The following DOCK4 variants were observed in gnomAD, a reference collection of about 807,000 sequenced individuals.
DOCK4 encodes dedicator of cytokinesis protein 4.
In DOCK4, 97 loss-of-function variants were observed where a neutral mutation model predicts 268.1. That is an observed-to-expected ratio of 0.36 (90% confidence interval 0.31 to 0.43). The LOEUF is 0.43. DOCK4 is among the 20% of genes least tolerant of loss of function. DOCK4 has a pLI of 1.00. For synonymous variants in DOCK4, 954 were observed against 887.2 expected (o/e 1.08, Z -1.34); for missense variants, 2,145 against 2,455.7 (o/e 0.87, Z 2.67).
rs990183811 is a variant in DOCK4, at chr7:111,741,032, A to G, written c.5040+62T>C. ...TTCATCAGCACAGCAGAATGAACAG[A>G]AACACTCATGATTGAGACAGAAAAG... On this transcript the variant is annotated intron_variant, in intron 47 of 52. Coordinates refer to ENST00000428084, the MANE Select transcript of DOCK4 (RefSeq NM_001363540.2). 4.4e-6 allele frequency: 7 copies of G among 1,596,390 alleles called. 1 individual carries two copies. The South Asian group carries it at 5.7e-5, about 13-fold the overall frequency.
intron 25 of DOCK4, among the ~76,000 whole-genome samples, chr7:111,835,835 A>T (rs1432032803): frequency 6.6e-6 from 1 of 152,174 alleles, no homozygotes; most frequent in African/African-American, 2.4e-5. Flanking sequence ...AGACCCAAGG[A>T]TGCTATAATA....
rs541583737 is a variant in DOCK4 at position 111,900,878 on chromosome 7, C to A, written c.1318-342G>T. Among the ~76,000 whole-genome samples, 43 of 152,306 alleles carry A rather than the reference C, an allele frequency of 2.8e-4. No homozygotes were observed. In the South Asian group the frequency reaches 8.9e-3, roughly 32 times the overall value. ...GTGCCTCAGTAGGTGACTCACTACGCCCCAGGGCCAACCTTCTTATTTAAA... is the reference window on the plus strand; with the variant it reads ...GTGCCTCAGTAGGTGACTCACTACGACCCAGGGCCAACCTTCTTATTTAAA... On this transcript the variant is annotated intron_variant, in intron 14 of 52. Transcript: ENST00000428084.
chr7:111,750,513 T>C (rs1248417778), intron 42 of DOCK4, among the ~76,000 whole-genome samples: 1 of 152,184 alleles, frequency 6.6e-6, no homozygotes, highest in East Asian at 1.9e-4. Context: ...AATTTAAACG[T>C]GCTTCTGAAT....
At chr7:111,933,298 A>ATATATATATTT (rs1554380830) in intron 12 of DOCK4, among the ~76,000 whole-genome samples, 1 of 74,840 alleles carries the variant, frequency 1.3e-5, no homozygotes, top group African/African-American at 6.6e-5. Context: ...ATATATATAT[A>ATATATATATTT]TTTTTTTTTT....
intron 30 of DOCK4, among the ~76,000 whole-genome samples, chr7:111,805,911 A>T (rs1349056849): frequency 1.3e-5 from 2 of 152,174 alleles, no homozygotes; most frequent in Non-Finnish European, 2.9e-5. Context: ...AATATTGAGG[A>T]TCTTGATTTA....
At chr7:111,947,924 C>T (rs571742055) in intron 8 of DOCK4, among the ~76,000 whole-genome samples, 1 of 152,082 alleles carries the variant, frequency 6.6e-6, no homozygotes, top group South Asian at 2.1e-4. Flanking sequence ...GATGGGGTTT[C>T]ACTATGTTGG....
At chr7:112,198,879 T>G (rs1820686363) in intron 1 of DOCK4, among the ~76,000 whole-genome samples, 1 of 152,204 alleles carries the variant, frequency 6.6e-6, no homozygotes, top group Non-Finnish European at 1.5e-5. Flanking sequence ...AATATTTCAT[T>G]TCATGATTGT....
intron 52 of DOCK4, among the ~76,000 whole-genome samples, chr7:111,731,621 C>G (rs1795088963): frequency 6.6e-6 from 1 of 152,168 alleles, no homozygotes; most frequent in Non-Finnish European, 1.5e-5. Context: ...TGTCTACAAA[C>G]CAATTCGAAT....
intron 39 of DOCK4, among the ~76,000 whole-genome samples, chr7:111,762,747 A>ATTTTTTTTTTTTTTTTT (rs1554584596): frequency 2.5e-5 from 2 of 78,784 alleles, no homozygotes; most frequent in Admixed American, 1.4e-4. Context: ...TAAATAACCC[A>ATTTTTTTTTTTTTTTTT]TTTTGTTTTG....
chr7:112,039,518 C>T (rs1348024025), intron 1 of DOCK4, among the ~76,000 whole-genome samples: 3 of 151,856 alleles, frequency 2.0e-5, no homozygotes, highest in Non-Finnish European at 4.4e-5. Flanking sequence ...TATCCTTAAA[C>T]TAACCTCGGA....
intron 8 of DOCK4, among the ~76,000 whole-genome samples, chr7:111,949,241 A>G (rs1282073169): frequency 6.6e-6 from 1 of 152,218 alleles, no homozygotes; most frequent in Non-Finnish European, 1.5e-5. Context: ...TGGTCAGTCT[A>G]AAAAGATGGA....
At chr7:111,920,283 G>A (rs934159001) in intron 12 of DOCK4, among the ~76,000 whole-genome samples, 8 of 152,072 alleles carry the variant, frequency 5.3e-5, no homozygotes, top group Non-Finnish European at 1.2e-4. Flanking sequence ...CTAAGAGAGT[G>A]GATTTTAAAA....
chr7:111,956,749 C>G (rs922112531), intron 8 of DOCK4, among the ~76,000 whole-genome samples: 3 of 152,110 alleles, frequency 2.0e-5, no homozygotes, highest in African/African-American at 7.2e-5. Flanking sequence ...CTGCCTTTTC[C>G]CTTTAAATAT....
intron 7 of DOCK4, among the ~76,000 whole-genome samples, chr7:111,982,991 G>A (rs754669090): frequency 2.0e-5 from 3 of 151,984 alleles, no homozygotes; most frequent in Admixed American, 6.6e-5. Flanking sequence ...TTCTTTCTTC[G>A]CCTCCCACTA....
intron 8 of DOCK4, among the ~76,000 whole-genome samples, chr7:111,974,492 A>ATATGTGTGTGTGTGTGTG: frequency 1.2e-5 from 1 of 84,386 alleles, no homozygotes; most frequent in East Asian, 3.5e-4. Flanking sequence ...TTGAAGAGGG[A>ATATGTGTGTGTGTGTGTG]TGTGTGTGTG....
chr7:111,935,804 T>C (rs1328343131), intron 11 of DOCK4, among the ~76,000 whole-genome samples, 176 bp from the exon 12 acceptor site: 1 of 152,186 alleles, frequency 6.6e-6, no homozygotes, highest in African/African-American at 2.4e-5. Flanking sequence ...TGAGCAAGAA[T>C]GTCCGTATCT....
intron 22 of DOCK4, among the ~76,000 whole-genome samples, chr7:111,864,578 A>G (rs1434181569): frequency 6.6e-6 from 1 of 152,216 alleles, no homozygotes; most frequent in East Asian, 1.9e-4. Flanking sequence ...GAATTTTAGT[A>G]TTTATTTATA....
intron 1 of DOCK4, among the ~76,000 whole-genome samples, chr7:112,011,651 A>T (rs929404781): frequency 2.7e-5 from 4 of 150,406 alleles, no homozygotes; most frequent in African/African-American, 4.9e-5. Flanking sequence ...AACCCGTTTT[A>T]TTCTCCAAAG....
At chr7:111,859,865 C>T (rs1805356858) in intron 23 of DOCK4, among the ~76,000 whole-genome samples, 1 of 152,176 alleles carries the variant, frequency 6.6e-6, no homozygotes, top group South Asian at 2.1e-4. Flanking sequence ...CCGCGCCCGG[C>T]CGTGTGTTAA....
Sources: gnomAD v4.1 joint callset for allele counts (sites outside exome capture counted in the v4.1 genomes callset) on GRCh38, gnomAD v4.1.1 for gene constraint, MANE v1.5 for transcripts, NCBI Gene and HGNC (gene_info 2026-07-23, HGNC 2026-07-21) for gene names.